PHACTR4: variants seen among roughly 807,000 people sequenced by gnomAD.
The protein encoded by PHACTR4 is phosphatase and actin regulator 4, also known as protein phosphatase 1, regulatory subunit 124.
In PHACTR4, 51 loss-of-function variants were observed where a neutral mutation model predicts 72.7. The observed-to-expected ratio is 0.70, with a 90% CI of 0.56 to 0.89. The LOEUF (loss-of-function observed/expected upper bound fraction) is 0.89. Among genes scored for constraint, PHACTR4 ranks in the 40% least tolerant of loss-of-function variants. The probability of loss-of-function intolerance (pLI) is 0.00; values close to 1 mark genes in which losing one functional copy is unlikely to be tolerated. For synonymous variants in PHACTR4, 255 were observed against 302.5 expected (o/e 0.84, Z 1.63); for missense variants, 731 against 861.8 (o/e 0.85, Z 1.90).
intron 10 of PHACTR4, among the ~76,000 whole-genome samples, chr1:28,490,560 T>G (rs1179244476): frequency 6.7e-6 from 1 of 149,300 alleles, no homozygotes; most frequent in Non-Finnish European, 1.5e-5. Flanking sequence ...AAAAGAAATA[T>G]CTGGGCTGGG....
At chr1:28,483,209 C>G (rs542740191) in intron 9 of PHACTR4, among the ~76,000 whole-genome samples, 1 of 151,944 alleles carries the variant, frequency 6.6e-6, no homozygotes, top group Middle Eastern at 3.4e-3. Flanking sequence ...TTCGAGGCAA[C>G]ATGACAAGAC....
At chr1:28,438,187 G>A in intron 2 of PHACTR4, 4 of 1,306,032 alleles carry the variant, frequency 3.1e-6, no homozygotes, top group Non-Finnish European at 3.9e-6. Context: ...AGACAGTTTT[G>A]TAAGAACTGC....
chr1:28,475,961 A>C, intron 7 of PHACTR4, 146 bp from the exon 8 acceptor site: 2 of 593,760 alleles, frequency 3.4e-6, no homozygotes, highest in Non-Finnish European at 5.5e-6. Context: ...TCCTGACCTC[A>C]GGTGAATTTG....
intron 2 of PHACTR4, among the ~76,000 whole-genome samples, chr1:28,411,317 G>T (rs1654775793): frequency 1.3e-5 from 2 of 152,190 alleles, no homozygotes; most frequent in Admixed American, 1.3e-4. Context: ...AAAGTGTTTG[G>T]ATTACAGGTG....
At position 28,487,407 on chromosome 1, in the gene PHACTR4, A is replaced by G. The variant is rs185815677; in HGVS notation, c.1761-1763A>G. On this transcript the variant is annotated intron_variant, in intron 9 of 13. Coordinates refer to ENST00000373839, the MANE Select transcript of PHACTR4 (RefSeq NM_001048183.3). ...AAATAAAAATAAATAAATAAAATGG[A>G]AGATCCTTGAGGTAGGAGGATCATT... Among the ~76,000 whole-genome samples, 4 of 150,936 alleles carry G rather than the reference A, an allele frequency of 2.7e-5. No individual in the cohort carries two copies. The East Asian group carries it at 7.8e-4, about 29-fold the overall frequency.
At chr1:28,451,857 T>G (rs1277156282) in intron 2 of PHACTR4, among the ~76,000 whole-genome samples, 2 of 152,144 alleles carry the variant, frequency 1.3e-5, no homozygotes, top group African/African-American at 4.8e-5. Flanking sequence ...CAAGCTGATC[T>G]TAAACTCCTG....
At chr1:28,457,812 C>T in intron 2 of PHACTR4, 1 of 985,174 alleles carries the variant, frequency 1.0e-6, no homozygotes, top group Non-Finnish European at 1.2e-6. Flanking sequence ...CCACATGACT[C>T]TTTTTTTCTT....
chr1:28,440,209 G>A (rs185593906), intron 2 of PHACTR4, among the ~76,000 whole-genome samples: 48 of 149,986 alleles, frequency 3.2e-4, no homozygotes, highest in Admixed American at 6.0e-4. Context: ...GGCTGAGGCA[G>A]GAGAATGGCG....
At chr1:28,417,173 G>T (rs191699235) in intron 2 of PHACTR4, among the ~76,000 whole-genome samples, 1 of 152,064 alleles carries the variant, frequency 6.6e-6, no homozygotes, top group African/African-American at 2.4e-5. Context: ...GATTAGGCCA[G>T]GGGTTTTGTG....
Position 28,465,887 on chromosome 1 carries a change from G to A in PHACTR4, c.436+38G>A, listed in dbSNP as rs200807399. On this transcript the variant is annotated intron_variant, in intron 5 of 13. Transcript: ENST00000373839. ...GGATTTTTGAGTTTAAGAGCCACGG[G>A]CCAGTTATTCTCCTTACATAAGGGG... 4.2e-5 allele frequency: 66 copies of A among 1,577,998 alleles called. No individual in the cohort carries two copies. The African/African-American group carries it at 7.7e-4, about 18-fold the overall frequency.
chr1:28,486,867 A>G (rs1005270281), intron 9 of PHACTR4, among the ~76,000 whole-genome samples: 4 of 151,496 alleles, frequency 2.6e-5, no homozygotes, highest in African/African-American at 9.7e-5. Context: ...TCAAAAAAAA[A>G]AACAGGAAGG....
chr1:28,436,266 T>C (rs1041418654), intron 2 of PHACTR4, among the ~76,000 whole-genome samples: 2 of 152,048 alleles, frequency 1.3e-5, no homozygotes, highest in Non-Finnish European at 1.5e-5. Flanking sequence ...TTTTAAAAAA[T>C]TATTTTAATT....
chr1:28,481,954 A>G (rs71642233), intron 9 of PHACTR4, among the ~76,000 whole-genome samples: 31 of 151,686 alleles, frequency 2.0e-4, no homozygotes, highest in African/African-American at 7.0e-4. Context: ...CTGGAGTGCA[A>G]TGGTGCAATC....
At chr1:28,484,545 T>A (rs1031178235) in intron 9 of PHACTR4, among the ~76,000 whole-genome samples, 8 of 151,590 alleles carry the variant, frequency 5.3e-5, no homozygotes, top group African/African-American at 1.9e-4. Context: ...TGTGTATATA[T>A]ATGTGTGTAT....
intron 2 of PHACTR4, among the ~76,000 whole-genome samples, chr1:28,440,987 TA>T (rs1387959495): frequency 6.6e-6 from 1 of 152,158 alleles, no homozygotes; most frequent in African/African-American, 2.4e-5. Flanking sequence ...GCTTTGAAAT[TA>T]ATAGTACTAG....
intron 1 of PHACTR4, among the ~76,000 whole-genome samples, chr1:28,379,751 G>A (rs1014622879): frequency 9.9e-5 from 15 of 151,420 alleles, no homozygotes; most frequent in African/African-American, 3.4e-4. Flanking sequence ...CACCACACCC[G>A]ACTAATTTTT....
chr1:28,380,000 T>A (rs1277035361), intron 1 of PHACTR4, among the ~76,000 whole-genome samples: 2 of 151,624 alleles, frequency 1.3e-5, no homozygotes. Flanking sequence ...TTGGACAGAC[T>A]AATTTAGATG....
chr1:28,396,845 C>CTTTTTTTTT (rs60578939), intron 1 of PHACTR4, among the ~76,000 whole-genome samples: 261 of 119,640 alleles, frequency 2.2e-3, no homozygotes, highest in Middle Eastern at 4.5e-3. Context: ...TTCTTTCTTT[C>CTTTTTTTTT]TTTTTTTTTT....
chr1:28,438,556 G>A, intron 2 of PHACTR4: 3 of 1,025,952 alleles, frequency 2.9e-6, no homozygotes, highest in Non-Finnish European at 4.2e-6. Flanking sequence ...AAATGTTTAT[G>A]TTTGTGAAGA....
Sources: allele counts gnomAD v4.1 joint callset (sites outside exome capture counted in the v4.1 genomes callset), GRCh38; gene constraint gnomAD v4.1.1; transcripts MANE v1.5; gene names NCBI Gene and HGNC (gene_info 2026-07-23, HGNC 2026-07-21).